Variants in MAST2 observed in about 807,000 individuals in gnomAD.
MAST2 encodes microtubule associated serine/threonine kinase 2.
MAST2 carries 70 observed loss-of-function variants against 147.4 expected under a neutral mutation model. The ratio of observed to expected loss-of-function variants is 0.47; its 90% confidence interval spans 0.39 to 0.58. The LOEUF (loss-of-function observed/expected upper bound fraction) is 0.58, where lower values mean the gene tolerates loss of function less well. Ranked by LOEUF, MAST2 falls within the 20% of genes least tolerant of loss-of-function variation. MAST2 has a pLI of 0.00. For synonymous variants in MAST2, 869 were observed against 896.8 expected (o/e 0.97, Z 0.55); for missense variants, 2,080 against 2,302.3 (o/e 0.90, Z 1.98).
At chr1:45,862,487 ATTTTT>A (rs67344347) in intron 3 of MAST2, among the ~76,000 whole-genome samples, 12 of 136,236 alleles carry the variant, frequency 8.8e-5, no homozygotes, top group Non-Finnish European at 1.7e-4. Flanking sequence ...AGGACTGAAG[ATTTTT>A]TTTTTTTTTT....
At chr1:45,989,125 G>A (rs1644762666) in intron 5 of MAST2, among the ~76,000 whole-genome samples, 1 of 152,094 alleles carries the variant, frequency 6.6e-6, no homozygotes, top group Admixed American at 6.5e-5. Flanking sequence ...TATTTTATAT[G>A]TAATTGTCTG....
At chr1:46,028,253 GCA>G (rs1289915805) in intron 17 of MAST2, among the ~76,000 whole-genome samples, 1 of 152,218 alleles carries the variant, frequency 6.6e-6, no homozygotes, top group Non-Finnish European at 1.5e-5. Context: ...ATAACTGTTA[GCA>G]CAGAGTTTCA....
chr1:45,984,755 A>G (rs534757755), intron 5 of MAST2, among the ~76,000 whole-genome samples: 234 of 152,262 alleles, frequency 1.5e-3, no homozygotes, highest in Non-Finnish European at 2.4e-3. Flanking sequence ...TGGGAGGCCA[A>G]CGCGGGAGGA....
Position 45,824,456 on chromosome 1 carries a change from C to T in MAST2, c.201C>T (p.Pro67=), listed in dbSNP as rs765637028. ...KEQDVVTGVS[P]LLFRKLSNPD... ...AGGATGTAGTAACTGGAGTTAGTCC[C>T]CTGCTCTTCAGGAAACTCAGTAATC... The change falls in exon 2 of 29, where the codon CCC becomes CCT. Residue 67 remains proline, a synonymous_variant. Transcript: ENST00000361297. 2 of 1,608,828 alleles carry T rather than the reference C, an allele frequency of 1.2e-6. No homozygotes were observed. The highest frequency in any genetic ancestry group is 1.7e-6 in the Non-Finnish European group (2 of 1,176,804).
rs185441006 is a variant in MAST2, at chr1:45,935,349, G to T, written c.501-24037G>T. ...TTTTCTCCCATTCTCTAGGTTGTCTGTTTACTCTGTTGATAATTTATTTTG... is the reference window on the plus strand; with the variant it reads ...TTTTCTCCCATTCTCTAGGTTGTCTTTTTACTCTGTTGATAATTTATTTTG... On this transcript the variant is annotated intron_variant, in intron 4 of 28. Coordinates refer to ENST00000361297, the MANE Select transcript of MAST2 (RefSeq NM_015112.3). Among the ~76,000 whole-genome samples the T allele has an allele frequency of 1.5e-3, 228 of 152,258 alleles. 2 individuals are homozygous for T. Among genetic ancestry groups the T allele is most frequent in the African/African-American group, 5.3e-3 (222 of 41,550 alleles).
At chr1:45,941,194 CAT>C (rs1557939899) in intron 4 of MAST2, among the ~76,000 whole-genome samples, 1 of 152,156 alleles carries the variant, frequency 6.6e-6, no homozygotes, top group Non-Finnish European at 1.5e-5. Context: ...GTTTTTCACA[CAT>C]GTATTTGGTG....
intron 3 of MAST2, chr1:45,847,457 A>C (rs1250517395): frequency 1.6e-6 from 1 of 606,862 alleles, no homozygotes; most frequent in African/African-American, 1.9e-5. Flanking sequence ...GTTTTTCACC[A>C]ATAAGATTGA....
At chr1:45,953,901 C>T (rs1209160849) in intron 4 of MAST2, among the ~76,000 whole-genome samples, 1 of 152,136 alleles carries the variant, frequency 6.6e-6, no homozygotes, top group African/African-American at 2.4e-5. Context: ...GTAATAATAT[C>T]TCCCTTTATT....
At chr1:45,862,887 C>A (rs553211533) in intron 3 of MAST2, among the ~76,000 whole-genome samples, 1 of 152,300 alleles carries the variant, frequency 6.6e-6, no homozygotes, top group East Asian at 1.9e-4. Context: ...TTTTTGTAGG[C>A]TTTCCACTAT....
chr1:45,912,308 C>T (rs373216151), intron 4 of MAST2, among the ~76,000 whole-genome samples: 34 of 152,294 alleles, frequency 2.2e-4, no homozygotes, highest in African/African-American at 7.9e-4. Flanking sequence ...TATGACCCAT[C>T]ACACACGTTC....
At chr1:45,860,227 CACACAA>C (rs1027846106) in intron 3 of MAST2, among the ~76,000 whole-genome samples, 2 of 151,318 alleles carry the variant, frequency 1.3e-5, no homozygotes, top group African/African-American at 4.8e-5. Flanking sequence ...CACACACACA[CACACAA>C]ATTAGCCAGG....
chr1:45,908,819 A>C (rs1651195586), intron 4 of MAST2, among the ~76,000 whole-genome samples: 1 of 152,148 alleles, frequency 6.6e-6, no homozygotes. Context: ...CTGCCCTTGT[A>C]AGAAAATTGC....
chr1:45,905,330 A>G (rs982355965), intron 4 of MAST2, among the ~76,000 whole-genome samples: 3 of 151,918 alleles, frequency 2.0e-5, no homozygotes, highest in African/African-American at 7.2e-5. Flanking sequence ...GAGTACAGGC[A>G]TGCGCCACCG....
At chr1:45,833,582 A>G (rs151327352) in intron 3 of MAST2, among the ~76,000 whole-genome samples, 1 of 152,162 alleles carries the variant, frequency 6.6e-6, no homozygotes, top group Non-Finnish European at 1.5e-5. Flanking sequence ...AACTGTATTT[A>G]ATCATTTGAA....
At chr1:45,917,042 C>T (rs1204981323) in intron 4 of MAST2, among the ~76,000 whole-genome samples, 1 of 152,184 alleles carries the variant, frequency 6.6e-6, no homozygotes, top group Non-Finnish European at 1.5e-5. Flanking sequence ...CGTGCCATTG[C>T]ACTCTAGCCT....
At chr1:45,930,575 G>A (rs1480418445) in intron 4 of MAST2, among the ~76,000 whole-genome samples, 2 of 152,072 alleles carry the variant, frequency 1.3e-5, no homozygotes, top group African/African-American at 4.8e-5. Flanking sequence ...TTCGCAGCAC[G>A]GGGTAGAGTA....
chr1:45,895,318 G>A (rs140936280), intron 4 of MAST2, among the ~76,000 whole-genome samples: 95 of 151,712 alleles, frequency 6.3e-4, no homozygotes, highest in Middle Eastern at 3.4e-3. Context: ...TTTTTTTATG[G>A]GCATATGTTT....
intron 4 of MAST2, among the ~76,000 whole-genome samples, chr1:45,884,287 C>A (rs2148326212): frequency 6.6e-6 from 1 of 152,190 alleles, no homozygotes; most frequent in African/African-American, 2.4e-5. Context: ...GTGGCTCACA[C>A]CTATAGTCCC....
intron 3 of MAST2, among the ~76,000 whole-genome samples, chr1:45,836,774 C>T (rs1235156366): frequency 2.6e-5 from 4 of 152,136 alleles, no homozygotes; most frequent in African/African-American, 9.7e-5. Context: ...ACAGTTGTGT[C>T]ACCACCACCA....
Sources: gnomAD v4.1 joint callset for allele counts (sites outside exome capture counted in the v4.1 genomes callset) on GRCh38, gnomAD v4.1.1 for gene constraint, MANE v1.5 for transcripts, NCBI Gene and HGNC (gene_info 2026-07-23, HGNC 2026-07-21) for gene names.